The following HIVEP3 variants were observed in gnomAD, a reference collection of about 807,000 sequenced individuals.
HIVEP3 encodes HIVEP zinc finger 3.
HIVEP3 carries 49 observed loss-of-function variants against 152.8 expected under a neutral mutation model. The ratio of observed to expected loss-of-function variants is 0.32; its 90% CI spans 0.26 to 0.41. The LOEUF (loss-of-function observed/expected upper bound fraction) is 0.41, where lower values mean the gene tolerates loss of function less well. HIVEP3 is among the 10% of genes least tolerant of loss of function. The pLI is 1.00. For missense variants in HIVEP3, 2,790 were observed against 3,103.3 expected (o/e 0.90, Z 2.40); for synonymous variants, 1,269 against 1,289.0 (o/e 0.98, Z 0.33).
intron 2 of HIVEP3, among the ~76,000 whole-genome samples, chr1:41,672,788 G>A (rs569947302): frequency 1.3e-5 from 2 of 152,304 alleles, no homozygotes; most frequent in South Asian, 4.1e-4. Context: ...AGTGAGGAGA[G>A]TGAAAGAGGA....
chr1:41,866,632 T>C (rs1330873006), intron 1 of HIVEP3, among the ~76,000 whole-genome samples: 2 of 152,208 alleles, frequency 1.3e-5, no homozygotes, highest in African/African-American at 4.8e-5. Context: ...CGTTCCTTTC[T>C]CTTCCCCAGC....
chr1:41,678,740 G>C (rs1645994964), intron 2 of HIVEP3, among the ~76,000 whole-genome samples: 1 of 152,228 alleles, frequency 6.6e-6, no homozygotes, highest in African/African-American at 2.4e-5. Context: ...TTGAGGCCAG[G>C]TCCCCAGGGC....
intron 1 of HIVEP3, among the ~76,000 whole-genome samples, chr1:41,757,021 G>A (rs1317182013): frequency 6.6e-6 from 1 of 151,888 alleles, no homozygotes; most frequent in Non-Finnish European, 1.5e-5. Flanking sequence ...TCTCAAAGAG[G>A]AGGGCGGATC....
At chr1:41,621,427 T>A (rs996952371) in intron 3 of HIVEP3, among the ~76,000 whole-genome samples, 1 of 152,226 alleles carries the variant, frequency 6.6e-6, no homozygotes, top group Non-Finnish European at 1.5e-5. Context: ...CCCCTCTGTC[T>A]CCCAAGGGAG....
At chr1:41,700,589 C>A (rs182250040) in intron 2 of HIVEP3, among the ~76,000 whole-genome samples, 1 of 152,188 alleles carries the variant, frequency 6.6e-6, no homozygotes, top group Non-Finnish European at 1.5e-5. Context: ...CCTCACTTTG[C>A]AGACAAGGAA....
At chr1:41,798,390 G>A (rs1406725033) in intron 1 of HIVEP3, among the ~76,000 whole-genome samples, 1 of 152,094 alleles carries the variant, frequency 6.6e-6, no homozygotes, top group Admixed American at 6.5e-5. Flanking sequence ...ATACCTGGAG[G>A]GAATATTACA....
At chr1:41,750,999 A>AATCC (rs367687738) in intron 1 of HIVEP3, among the ~76,000 whole-genome samples, 3,007 of 152,156 alleles carry the variant, frequency 0.02, 88 homozygotes, top group African/African-American at 0.066. Context: ...CAGGTGTGAG[A>AATCC]CACCGCACCG....
intron 1 of HIVEP3, among the ~76,000 whole-genome samples, chr1:41,862,569 C>A (rs948745132): frequency 1.3e-5 from 2 of 152,200 alleles, no homozygotes; most frequent in African/African-American, 4.8e-5. Context: ...TGGCATGCAT[C>A]TCTCCCCATC....
Position 41,511,245 on chromosome 1 carries a change from G to T in HIVEP3, c.6427C>A (p.Pro2143Thr). The T allele has an allele frequency of 6.2e-7, 1 of 1,608,304 alleles. No individual in the cohort carries two copies. Among genetic ancestry groups the T allele is most frequent in the Non-Finnish European group, 8.5e-7 (1 of 1,176,652 alleles). Residue 2143 changes from proline to threonine, a missense_variant, in exon 9 of 9, where the codon CCC becomes ACC. By Grantham distance (38) the Pro-to-Thr change is conservative. This residue lies in a region of HIVEP3 where 816 missense variants were observed against 806.5 expected (regional missense o/e 1.01). Transcript: ENST00000372583. This position sits in a 1 kb window ranked among gnomAD's most constrained non-coding sequence, Gnocchi z 4.9. ...TGAGCAGGGCCGGGTGAGCAGGAGG[G>T]ACTTCGGGACTCGGCCTTCTGCTGG... The part of the protein sequence containing the change: ...SPWQKAESRS[P>T]SCSPGPAHPL...
chr1:41,884,046 A>T (rs1188873024), intron 1 of HIVEP3, among the ~76,000 whole-genome samples: 1 of 152,024 alleles, frequency 6.6e-6, no homozygotes, highest in East Asian at 1.9e-4. Flanking sequence ...GCTCACTGCA[A>T]CCTCTGTCTC....
chr1:41,838,430 A>T (rs995557516), intron 1 of HIVEP3, among the ~76,000 whole-genome samples: 1 of 151,856 alleles, frequency 6.6e-6, no homozygotes, highest in Non-Finnish European at 1.5e-5. Flanking sequence ...CCTTCTTTCC[A>T]CACTTTCAGA....
chr1:41,583,845 C>G lies in HIVEP3; in HGVS notation c.953G>C (p.Ser318Thr), dbSNP rs754416799. ...CAGGGAACAGCGTTCGTGGCTGGAACTGTGGCTCCCAGAGCTGTATAGCCC... is the reference window on the plus strand; with the variant it reads ...CAGGGAACAGCGTTCGTGGCTGGAAGTGTGGCTCCCAGAGCTGTATAGCCC... The part of the protein sequence containing the change: ...SSGLYSSGSH[S>T]SSHERCSLSQ... The change falls in exon 4 of 9, where the codon AGT becomes ACT. Residue 318 changes from serine to threonine, a missense_variant. This residue lies in a region of HIVEP3 where 125 missense variants were observed against 130.1 expected (regional missense o/e 0.96). Coordinates refer to ENST00000372583, the MANE Select transcript of HIVEP3 (RefSeq NM_024503.5). This position sits in a 1 kb window ranked among gnomAD's most constrained non-coding sequence, Gnocchi z 6.9. 7.5e-6 allele frequency: 12 copies of G among 1,609,608 alleles called. No individual in the cohort carries two copies. In the South Asian group the frequency reaches 1.3e-4, roughly 18 times the overall value.
In HIVEP3 at chr1:41,785,361, T is replaced by G. The variant is rs149394331; in HGVS notation, c.-800-84366A>C. Among the ~76,000 whole-genome samples, 1,051 of 152,296 alleles carry G rather than the reference T, an allele frequency of 6.9e-3. 13 individuals are homozygous for G. The highest frequency in any genetic ancestry group is 0.024 in the African/African-American group (1,006 of 41,544). Reference sequence around the variant, plus strand: ...GAGAATGGGGAGGGTTGCATCGGAATTTTACATACTTCGAGCAAATAAATC... The same window carrying G: ...GAGAATGGGGAGGGTTGCATCGGAAGTTTACATACTTCGAGCAAATAAATC... On this transcript the variant is annotated intron_variant, in intron 1 of 8. Transcript: ENST00000372583.
chr1:41,809,420 A>G (rs1461600935), intron 1 of HIVEP3, among the ~76,000 whole-genome samples: 1 of 152,234 alleles, frequency 6.6e-6, no homozygotes, highest in Non-Finnish European at 1.5e-5. Flanking sequence ...GGTGCCACTA[A>G]TCAACAGTGA....
chr1:41,716,668 T>C (rs1646599043), intron 1 of HIVEP3, among the ~76,000 whole-genome samples: 1 of 152,140 alleles, frequency 6.6e-6, no homozygotes, highest in African/African-American at 2.4e-5. Flanking sequence ...TGGGAAATAG[T>C]CCCTGGACCC....
chr1:41,632,248 T>C (rs1043724825), intron 2 of HIVEP3, among the ~76,000 whole-genome samples: 3 of 152,192 alleles, frequency 2.0e-5, no homozygotes, highest in African/African-American at 4.8e-5. Flanking sequence ...AAGTTGGTTG[T>C]TTATTCATTT....
chr1:41,561,111 G>A (rs1644053676), intron 5 of HIVEP3, among the ~76,000 whole-genome samples: 2 of 152,180 alleles, frequency 1.3e-5, no homozygotes. Flanking sequence ...GCTGTTTCCA[G>A]AGCTGGAAAG....
chr1:41,827,020 C>T (rs1434770903), intron 1 of HIVEP3, among the ~76,000 whole-genome samples: 1 of 152,182 alleles, frequency 6.6e-6, no homozygotes, highest in Admixed American at 6.5e-5. Flanking sequence ...ACTCTAAAGT[C>T]CCAGCTCTCT....
At chr1:41,590,492 T>G (rs1644571708) in intron 3 of HIVEP3, among the ~76,000 whole-genome samples, 1 of 152,162 alleles carries the variant, frequency 6.6e-6, no homozygotes, top group Non-Finnish European at 1.5e-5. Flanking sequence ...ATGGATGTGG[T>G]GGGGGTGAGC....
Sources: allele counts gnomAD v4.1 joint callset (sites outside exome capture counted in the v4.1 genomes callset), GRCh38; gene constraint gnomAD v4.1.1; regional missense constraint gnomAD v4.1.1; non-coding constraint Gnocchi (gnomAD v3.1); transcripts MANE v1.5; gene names NCBI Gene and HGNC (gene_info 2026-07-23, HGNC 2026-07-21).